The following TCEAL9 variants were observed in gnomAD, a reference collection of about 807,000 sequenced individuals.
The protein encoded by TCEAL9 is transcription elongation factor A protein-like 9.
In TCEAL9, 2 loss-of-function variants were observed where a neutral mutation model predicts 5.2. The observed-to-expected ratio is 0.38, with a 90% CI of 0.16 to 1.21. The LOEUF (loss-of-function observed/expected upper bound fraction) is 1.21, where lower values mean the gene tolerates loss of function less well. Among genes scored for constraint, TCEAL9 ranks in the 50% most tolerant of loss-of-function variants. TCEAL9 has a pLI of 0.35. For missense variants in TCEAL9, 76 were observed against 74.2 expected, an observed-to-expected ratio of 1.02 and a Z score of -0.09; for synonymous variants, 26 against 22.3, an observed-to-expected ratio of 1.17 and a Z score of -0.47.
At position 103,358,451 on chromosome X, in the gene TCEAL9, T is replaced by C. The variant is rs1926937229; in HGVS notation, c.*452T>C. The C allele has an allele frequency of 8.2e-6, 1 of 122,633 alleles. No homozygotes were observed. The highest frequency in any genetic ancestry group is 3.3e-5 in the African/African-American group (1 of 30,564). 10.1% of individuals were successfully genotyped at this position (122,633 alleles called of 1,213,427 possible). The stretch of plus-strand genomic sequence containing the variant: ...ATTATTGCTAGAATAATAAAAGTTT[T>C]ATAAAAAAGAAGCAACAAGCAGCAC... On this transcript the variant is annotated 3_prime_UTR_variant, in exon 3 of 3. Coordinates refer to ENST00000372661, the MANE Select transcript of TCEAL9 (RefSeq NM_016303.3).
At chrX:103,357,575 C>G in intron 2 of TCEAL9, 40 bp from the exon 3 acceptor site, 2 of 1,022,328 alleles carry the variant, frequency 2.0e-6, no homozygotes, top group Non-Finnish European at 2.6e-6. Flanking sequence ...CCTGTCCACT[C>G]ACCAAGTCTT....
At position 103,358,164 on chromosome X, in the gene TCEAL9, A is replaced by T; in HGVS notation, c.*165A>T. The T allele has an allele frequency of 2.5e-6, 1 of 406,627 alleles. No homozygotes were observed. The highest frequency in any genetic ancestry group is 4.1e-6 in the Non-Finnish European group (1 of 245,535). 33.5% of individuals were successfully genotyped at this position (406,627 alleles called of 1,213,427 possible). A position where few individuals can be genotyped will look rare whatever the true frequency, so the allele number is the denominator to read the frequency against. On this transcript the variant is annotated 3_prime_UTR_variant, in exon 3 of 3. Coordinates refer to ENST00000372661, the MANE Select transcript of TCEAL9 (RefSeq NM_016303.3). Reference sequence around the variant, plus strand: ...CTCATTGTTTATTGTATTTTGAACCAATCTACAAGTCTCTGTCTTTTAATA... The same window carrying T: ...CTCATTGTTTATTGTATTTTGAACCTATCTACAAGTCTCTGTCTTTTAATA...
chrX:103,358,064 A>T lies in TCEAL9; in HGVS notation c.*65A>T. The stretch of plus-strand genomic sequence containing the variant: ...GCTTGCTTTTTATTAGCATTTCCTG[A>T]TATTCCTTTGTCCATATTTCTACTT... On this transcript the variant is annotated 3_prime_UTR_variant, in exon 3 of 3. Coordinates refer to ENST00000372661, the MANE Select transcript of TCEAL9 (RefSeq NM_016303.3). 1.0e-6 allele frequency: 1 copy of T among 993,257 alleles called. No individual in the cohort carries two copies. Among genetic ancestry groups the T allele is most frequent in the Non-Finnish European group, 1.4e-6 (1 of 734,398 alleles). 81.9% of individuals were successfully genotyped at this position (993,257 alleles called of 1,213,427 possible).
chrX:103,356,541 CT>C lies in TCEAL9; in HGVS notation c.-213del, dbSNP rs1224081857. Reference sequence around the variant, plus strand: ...TTGTTCCCGTCTGGATACCAGCTTCCTTCAGCAGCGCAGGCGGTGGTCCCTG... The same window carrying C: ...TTGTTCCCGTCTGGATACCAGCTTCCTCAGCAGCGCAGGCGGTGGTCCCTG... On this transcript the variant is annotated 5_prime_UTR_variant, in exon 1 of 3. Coordinates refer to ENST00000372661, the MANE Select transcript of TCEAL9 (RefSeq NM_016303.3). The C allele has an allele frequency of 1.8e-5, 2 of 111,426 alleles. No homozygotes were observed. Among genetic ancestry groups the C allele is most frequent in the African/African-American group, 6.6e-5 (2 of 30,432 alleles). The allele number at this position is 111,426 out of a possible 1,213,427, so 9.2% of individuals were successfully genotyped here.
Position 103,357,790 on chromosome X carries a change from G to C in TCEAL9, c.106G>C (p.Glu36Gln). 8.3e-7 allele frequency: 1 copy of C among 1,211,889 alleles called. No individual in the cohort carries two copies. Among genetic ancestry groups the C allele is most frequent in the Non-Finnish European group, 1.1e-6 (1 of 895,585 alleles). Residue 36 changes from glutamate (E) to glutamine (Q), a missense_variant, in exon 3 of 3, where the codon GAG becomes CAG. By Grantham distance (29) the Glu-to-Gln change is conservative (BLOSUM62 2). Coordinates refer to ENST00000372661, the MANE Select transcript of TCEAL9 (RefSeq NM_016303.3). ...EEKPEEEEKL[E>Q]EEAKAKGTFR... ...AAAGCCAGAAGAGGAGGAGAAGCTAGAGGAGGAGGCCAAAGCAAAAGGAAC... is the reference window on the plus strand; with the variant it reads ...AAAGCCAGAAGAGGAGGAGAAGCTACAGGAGGAGGCCAAAGCAAAAGGAAC...
chrX:103,357,789 AGAG>A lies in TCEAL9; in HGVS notation c.113_115del (p.Glu38del). On this transcript the variant is annotated inframe_deletion, in exon 3 of 3. Coordinates refer to ENST00000372661, the MANE Select transcript of TCEAL9 (RefSeq NM_016303.3). ...AAAAGCCAGAAGAGGAGGAGAAGCTAGAGGAGGAGGCCAAAGCAAAAGGAACTT... is the reference window on the plus strand; with the variant it reads ...AAAAGCCAGAAGAGGAGGAGAAGCTAGAGGAGGCCAAAGCAAAAGGAACTT... 1 of 1,211,990 alleles carries A rather than the reference AGAG, an allele frequency of 8.3e-7. No homozygotes were observed. The highest frequency in any genetic ancestry group is 1.1e-6 in the Non-Finnish European group (1 of 895,601).
At position 103,357,846 on chromosome X, in the gene TCEAL9, G is replaced by T; in HGVS notation, c.162G>T (p.Gln54His). ...TFRERLIQSL[Q>H]EFKEDIHNRH... is the part of the protein sequence containing the mutation. ...GAGAAAGGCTGATTCAATCTCTCCAGGAGTTTAAAGAAGATATACACAACA... is the reference window on the plus strand; with the variant it reads ...GAGAAAGGCTGATTCAATCTCTCCATGAGTTTAAAGAAGATATACACAACA... Residue 54 changes from glutamine to histidine, a missense_variant, in exon 3 of 3, where the codon CAG becomes CAT. Transcript: ENST00000372661. The T allele has an allele frequency of 8.3e-7, 1 of 1,211,737 alleles. No homozygotes were observed. Among genetic ancestry groups the T allele is most frequent in the African/African-American group, 1.7e-5 (1 of 57,759 alleles).
Position 103,357,614 on chromosome X carries a change from G to A in TCEAL9, c.-70-1G>A. ...CTTACTGTCTTCTTTTTGCTTTCTA[G>A]AAGTCATTGTATTCAAAGAAGAATA... On this transcript the variant is annotated splice_acceptor_variant, in intron 2 of 2. Coordinates refer to ENST00000372661, the MANE Select transcript of TCEAL9 (RefSeq NM_016303.3). LOFTEE classifies it low-confidence loss of function (5UTR_SPLICE). 1 of 1,109,827 alleles carries A rather than the reference G, an allele frequency of 9.0e-7. No homozygotes were observed. The highest frequency in any genetic ancestry group is 2.3e-5 in the South Asian group (1 of 42,864). 91.5% of individuals were successfully genotyped at this position (1,109,827 alleles called of 1,213,427 possible).
Position 103,357,971 on chromosome X carries a change from G to A in TCEAL9, c.287G>A (p.Arg96Gln), listed in dbSNP as rs1926923624. 3 of 1,207,951 alleles carry A rather than the reference G, an allele frequency of 2.5e-6. No individual in the cohort carries two copies. Among genetic ancestry groups the A allele is most frequent in the Non-Finnish European group, 3.4e-6 (3 of 894,144 alleles). Residue 96 changes from arginine to glutamine, a missense_variant, in exon 3 of 3, where the codon CGA (arginine) becomes CAA (glutamine). Physicochemically the swap from Arg to Gln is conservative, Grantham distance 43. Transcript: ENST00000372661. ...ATAGTGATGCGTTGGAAGGTTAATC[G>A]AAACCATCCTTACCCCTATTTAATG... is the stretch of plus-strand genomic sequence containing the variant. ...KLIVMRWKVN[R>Q]NHPYPYLM
At position 103,358,081 on chromosome X, in the gene TCEAL9, T is replaced by C. The variant is rs1270297309; in HGVS notation, c.*82T>C. 29 of 871,676 alleles carry C rather than the reference T, an allele frequency of 3.3e-5. No individual in the cohort carries two copies. Among genetic ancestry groups the C allele is most frequent in the Non-Finnish European group, 4.4e-5 (28 of 632,314 alleles). The allele number at this position is 871,676 out of a possible 1,213,427, so 71.8% of individuals were successfully genotyped here. ...ATTTCCTGATATTCCTTTGTCCATA[T>C]TTCTACTTATAACCTGTTGCTATTA... On this transcript the variant is annotated 3_prime_UTR_variant, in exon 3 of 3. Coordinates refer to ENST00000372661, the MANE Select transcript of TCEAL9 (RefSeq NM_016303.3).
At position 103,357,894 on chromosome X, in the gene TCEAL9, G is replaced by A. The variant is rs1926920150; in HGVS notation, c.210G>A (p.Met70Ile). The A allele has an allele frequency of 1.7e-6, 2 of 1,210,393 alleles. No homozygotes were observed. Among genetic ancestry groups the A allele is most frequent in the African/African-American group, 1.7e-5 (1 of 57,285 alleles). The change falls in exon 3 of 3, where the codon ATG becomes ATA. Residue 70 changes from methionine to isoleucine, a missense_variant. Transcript: ENST00000372661. ...IHNRHLSNED[M>I]FREVDEIDEI... ...ACAGGCATTTAAGCAATGAAGATAT[G>A]TTTAGAGAAGTGGATGAAATAGATG...
rs1926892296 is a variant in TCEAL9 at position 103,357,149 on chromosome X, C to G, written c.-83C>G. On this transcript the variant is annotated 5_prime_UTR_variant, in exon 2 of 3. Coordinates refer to ENST00000372661, the MANE Select transcript of TCEAL9 (RefSeq NM_016303.3). Reference sequence around the variant, plus strand: ...GAAAAGGAGGAGGAAGAAACTGACCCGATCAGTGCCAGGTAGGTGAGAGGA... The same window carrying G: ...GAAAAGGAGGAGGAAGAAACTGACCGGATCAGTGCCAGGTAGGTGAGAGGA... 9.1e-6 allele frequency: 1 copy of G among 109,931 alleles called. No homozygotes were observed. Among genetic ancestry groups the G allele is most frequent in the Non-Finnish European group, 1.9e-5 (1 of 52,762 alleles). The allele number at this position is 109,931 out of a possible 1,213,427, so 9.1% of individuals were successfully genotyped here.
At chrX:103,356,935 G>A (rs928454036) in intron 1 of TCEAL9, 148 bp from the exon 2 acceptor site, 1 of 111,409 alleles carries the variant, frequency 9.0e-6, no homozygotes, top group African/African-American at 3.3e-5. Context: ...TGCATGCACT[G>A]TGGAGAGGGG....
chrX:103,357,491 G>A, intron 2 of TCEAL9, 124 bp from the exon 3 acceptor site: 1 of 476,803 alleles, frequency 2.1e-6, no homozygotes. Flanking sequence ...TGCTGACTGG[G>A]CTTCTTAGGT....
intron 2 of TCEAL9, 177 bp from the exon 3 acceptor site, chrX:103,357,438 T>A: frequency 3.3e-6 from 1 of 306,699 alleles, no homozygotes. Flanking sequence ...AGTGAGGAGG[T>A]GGAAAGTGGA....
intron 2 of TCEAL9, chrX:103,357,392 G>A (rs1926900648): frequency 4.7e-6 from 1 of 212,191 alleles, no homozygotes; most frequent in African/African-American, 2.9e-5. Context: ...CGGAAAGGAG[G>A]GCCTTGGAAA....
intron 2 of TCEAL9, 100 bp from the exon 3 acceptor site, chrX:103,357,515 T>C: frequency 1.6e-6 from 1 of 618,289 alleles, no homozygotes; most frequent in East Asian, 3.7e-5. Flanking sequence ...AGATATTTTA[T>C]AACAGCTCTG....
chrX:103,357,567 TGTCCACTCACCAA>T (rs1389866061), intron 2 of TCEAL9, 35 bp from the exon 3 acceptor site: 1 of 967,177 alleles, frequency 1.0e-6, no homozygotes, highest in Non-Finnish European at 1.4e-6. Context: ...CCACAGCACC[TGTCCACTCACCAA>T]GTCTTTAACT....
intron 2 of TCEAL9, 87 bp from the exon 3 acceptor site, chrX:103,357,528 T>TA (rs1019938898): frequency 3.1e-5 from 22 of 702,017 alleles, no homozygotes; most frequent in African/African-American, 2.0e-4. Flanking sequence ...CAGCTCTGAA[T>TA]AAAAAAAATT....
Sources: gnomAD v4.1 joint callset for allele counts on GRCh38, gnomAD v4.1.1 for gene constraint, MANE v1.5 for transcripts, NCBI Gene and HGNC (gene_info 2026-07-23, HGNC 2026-07-21) for gene names.